PSTPIP1: variants seen among roughly 807,000 people sequenced by gnomAD.
PSTPIP1 encodes the protein proline-serine-threonine phosphatase-interacting protein 1.
In PSTPIP1, 66 loss-of-function variants were observed where a neutral mutation model predicts 69.6. The ratio of observed to expected loss-of-function variants is 0.95; its 90% CI spans 0.78 to 1.16. PSTPIP1 has a LOEUF of 1.16. Ranked by LOEUF, PSTPIP1 falls within the 50% of genes most tolerant of loss-of-function variation. The probability of loss-of-function intolerance (pLI) is 0.00; values close to 1 mark genes in which losing one functional copy is unlikely to be tolerated. For synonymous variants in PSTPIP1, 266 were observed against 222.7 expected (o/e 1.19, Z -1.73); for missense variants, 603 against 557.4 (o/e 1.08, Z -0.82).
At chr15:77,019,531 A>G (rs1184493734) in intron 3 of PSTPIP1, among the ~76,000 whole-genome samples, 2 of 152,204 alleles carry the variant, frequency 1.3e-5, no homozygotes, top group African/African-American at 4.8e-5. Context: ...TAGATGTGGC[A>G]TGAGCCGTGT....
upstream of PSTPIP1, chr15:76,994,686 C>A: frequency 2.6e-6 from 3 of 1,173,406 alleles, 1 homozygote; most frequent in South Asian, 2.5e-5. Flanking sequence ...GCTCACCTTG[C>A]CTCTGTGTGC....
At chr15:77,026,038 A>T (rs1294750350) in intron 5 of PSTPIP1, 1 of 456,156 alleles carries the variant, frequency 2.2e-6, no homozygotes, top group Non-Finnish European at 4.4e-6. Flanking sequence ...CCCAAGGCTG[A>T]GGGGTCAGAC....
intron 3 of PSTPIP1, among the ~76,000 whole-genome samples, chr15:77,020,875 G>A (rs926700241): frequency 1.4e-5 from 2 of 143,880 alleles, no homozygotes; most frequent in South Asian, 2.2e-4. Flanking sequence ...CTGTGGGGGG[G>A]GGGGGTGTGT....
At chr15:77,031,761 AG>A (rs1425828001) in intron 10 of PSTPIP1, 2 of 178,474 alleles carry the variant, frequency 1.1e-5, no homozygotes, top group African/African-American at 4.8e-5. Context: ...GCCCCCAGCC[AG>A]GGTCCCTGAG....
chr15:77,032,564 C>T (rs757476968), intron 11 of PSTPIP1, 170 bp downstream of exon 11: 5 of 689,404 alleles, frequency 7.3e-6, no homozygotes, highest in Non-Finnish European at 9.7e-6. Flanking sequence ...CTGCTGCCTC[C>T]TCTCAGGCAA....
At chr15:77,034,569 C>T (rs1395869240) in intron 12 of PSTPIP1, among the ~76,000 whole-genome samples, 1 of 152,040 alleles carries the variant, frequency 6.6e-6, no homozygotes, top group South Asian at 2.1e-4. Flanking sequence ...CAGTCCTGTC[C>T]CCCACACACC....
At chr15:77,028,836 G>C (rs1289095510) in intron 7 of PSTPIP1, among the ~76,000 whole-genome samples, 184 bp downstream of exon 7, 1 of 152,240 alleles carries the variant, frequency 6.6e-6, no homozygotes, top group African/African-American at 2.4e-5. Context: ...GCCATGGACA[G>C]GCAGGTCAGC....
At chr15:77,014,557 T>G (rs1233339622) in intron 1 of PSTPIP1, among the ~76,000 whole-genome samples, 1 of 152,158 alleles carries the variant, frequency 6.6e-6, no homozygotes, top group Non-Finnish European at 1.5e-5. Context: ...ACTTTCCCAA[T>G]GAGGAAACCA....
intron 1 of PSTPIP1, among the ~76,000 whole-genome samples, chr15:77,003,761 C>T (rs1177801237): frequency 6.6e-6 from 1 of 152,132 alleles, no homozygotes; most frequent in African/African-American, 2.4e-5. Flanking sequence ...CTTTCTGAAC[C>T]TCAGTTTCCT....
chr15:77,022,278 C>T (rs374264816), intron 3 of PSTPIP1, among the ~76,000 whole-genome samples: 3 of 152,290 alleles, frequency 2.0e-5, no homozygotes, highest in Non-Finnish European at 2.9e-5. Flanking sequence ...CACAGGGAGC[C>T]GAGAGGGCTA....
At chr15:77,024,458 T>C (rs947963347) in intron 3 of PSTPIP1, 4 of 152,066 alleles carry the variant, frequency 2.6e-5, no homozygotes, top group Non-Finnish European at 5.9e-5. Context: ...TGAGGCCATA[T>C]GGCCGCCAGG....
chr15:77,035,776 G>C (rs775514550), intron 13 of PSTPIP1, 26 bp from the exon 14 acceptor site: 1 of 1,593,540 alleles, frequency 6.3e-7, no homozygotes, highest in Non-Finnish European at 8.5e-7. Context: ...AGAAGGGGAG[G>C]GGTCTATGTC....
chr15:77,008,534 C>T (rs1442445359), intron 1 of PSTPIP1, among the ~76,000 whole-genome samples: 4 of 152,084 alleles, frequency 2.6e-5, no homozygotes, highest in African/African-American at 4.8e-5. Flanking sequence ...CTCAGCCTCC[C>T]GAGTAGCTGG....
chr15:77,034,489 G>A (rs368186167), intron 12 of PSTPIP1, among the ~76,000 whole-genome samples: 2 of 151,434 alleles, frequency 1.3e-5, no homozygotes, highest in Non-Finnish European at 2.9e-5. Context: ...GCCCCCCACA[G>A]GCCCCTGAGT....
chr15:77,034,866 T>G (rs1042295063), intron 12 of PSTPIP1, among the ~76,000 whole-genome samples: 1 of 152,246 alleles, frequency 6.6e-6, no homozygotes, highest in African/African-American at 2.4e-5. Context: ...CAGTAAACCT[T>G]CATGACCCCA....
In PSTPIP1 at chr15:77,027,007, CCA is replaced by C. The variant is rs1449639664; in HGVS notation, c.355-842_355-841del. ...GAGCCTGTGTGTGTATGTGCGTGTG[CCA>C]CAGAGCAAGGACATGTGCTTACAGG... On this transcript the variant is annotated intron_variant, in intron 5 of 14. Transcript: ENST00000558012. This position sits in a 1 kb window ranked among gnomAD's most constrained non-coding sequence, Gnocchi z 4.3. 6.6e-6 allele frequency among the ~76,000 whole-genome samples: 1 copy of C among 152,230 alleles called. No homozygotes were observed. The highest frequency in any genetic ancestry group is 1.5e-5 in the Non-Finnish European group (1 of 68,030).
intron 9 of PSTPIP1, 87 bp downstream of exon 9, chr15:77,030,668 T>A (rs2469237): frequency 3.0e-6 from 4 of 1,329,090 alleles, no homozygotes; most frequent in African/African-American, 1.5e-5. Flanking sequence ...GGGGCCCAAG[T>A]GAGGCAGTTG....
intron 2 of PSTPIP1, 83 bp downstream of exon 2, chr15:77,018,331 C>G: frequency 6.5e-7 from 1 of 1,533,332 alleles, no homozygotes; most frequent in Non-Finnish European, 8.8e-7. Flanking sequence ...GACGAGGCCC[C>G]CATCCCAGCC....
chr15:77,005,119 C>T (rs867049837), intron 1 of PSTPIP1, among the ~76,000 whole-genome samples: 1 of 152,130 alleles, frequency 6.6e-6, no homozygotes, highest in African/African-American at 2.4e-5. Flanking sequence ...CATGGTGGCT[C>T]ATGCCTATAA....
Sources: gnomAD v4.1 joint callset for allele counts (sites outside exome capture counted in the v4.1 genomes callset) on GRCh38, gnomAD v4.1.1 for gene constraint, Gnocchi (gnomAD v3.1) non-coding constraint, MANE v1.5 for transcripts, NCBI Gene and HGNC (gene_info 2026-07-23, HGNC 2026-07-21) for gene names.